Variants in SLC27A5 observed in about 807,000 individuals in gnomAD.
The protein encoded by SLC27A5 is long-chain fatty acid transport protein 5.
SLC27A5 carries 47 observed loss-of-function variants against 63.1 expected under a neutral mutation model. The observed-to-expected ratio is 0.74, with a 90% confidence interval of 0.59 to 0.95. The LOEUF (loss-of-function observed/expected upper bound fraction) is 0.95, where lower values mean the gene tolerates loss of function less well. Ranked by LOEUF, SLC27A5 falls within the 40% of genes least tolerant of loss-of-function variation. The probability of loss-of-function intolerance (pLI) is 0.00; values close to 1 mark genes in which losing one functional copy is unlikely to be tolerated. For synonymous variants in SLC27A5, 391 were observed against 403.8 expected (o/e 0.97, Z 0.38); for missense variants, 940 against 921.0 (o/e 1.02, Z -0.27).
Position 58,501,309 on chromosome 19 carries a change from G to T in SLC27A5, c.1159C>A (p.Arg387=). Residue 387 remains arginine, a synonymous_variant, in exon 4 of 10, where the codon CGG becomes AGG. Transcript: ENST00000263093. ...TVILYVGELL[R]YLCNIPQQPE... ...ACCTGGGGAATGTTACACAAGTACC[G>T]CAGGAGCTCGCCCACATACAGGATC... 6.2e-7 allele frequency: 1 copy of T among 1,613,438 alleles called. No individual in the cohort carries two copies. The highest frequency in any genetic ancestry group is 8.5e-7 in the Non-Finnish European group (1 of 1,179,654).
chr19:58,500,144 G>A (rs2053256789), intron 6 of SLC27A5, among the ~76,000 whole-genome samples, 195 bp downstream of exon 6: 1 of 152,012 alleles, frequency 6.6e-6, no homozygotes, highest in South Asian at 2.1e-4. Flanking sequence ...AGGCAGGGGA[G>A]CTGGACAGAG....
chr19:58,500,797 T>C, intron 4 of SLC27A5, 91 bp from the exon 5 acceptor site: 1 of 1,537,750 alleles, frequency 6.5e-7, no homozygotes, highest in Non-Finnish European at 8.7e-7. Flanking sequence ...CCTGGGTCCT[T>C]ACCTTGGGAG....
chr19:58,498,665 G>T lies in SLC27A5; in HGVS notation c.1923C>A (p.Phe641Leu), dbSNP rs932203599. 1 of 1,614,094 alleles carries T rather than the reference G, an allele frequency of 6.2e-7. No homozygotes were observed. Among genetic ancestry groups the T allele is most frequent in the Admixed American group, 1.7e-5 (1 of 60,002 alleles). ...IQDAMEVTST[F>L]KLMKTRLVRE... ...GCACCAACCGGGTCTTCATCAGTTT[G>T]AACGTGCTGGTGACCTCCATGGCGT... Residue 641 changes from phenylalanine to leucine, a missense_variant, in exon 10 of 10, where the codon TTC becomes TTA. By Grantham distance (22) the Phe-to-Leu change is conservative. Coordinates refer to ENST00000263093, the MANE Select transcript of SLC27A5 (RefSeq NM_012254.3).
chr19:58,509,864 A>C lies in SLC27A5; in HGVS notation c.1040T>G (p.Leu347Arg). The change falls in exon 3 of 10, where the codon CTC becomes CGC. Residue 347 changes from leucine (L) to arginine (R), a missense_variant. Leu to Arg is a moderately radical substitution (Grantham distance 102, BLOSUM62 -2). Coordinates refer to ENST00000263093, the MANE Select transcript of SLC27A5 (RefSeq NM_012254.3). ...YHVMGLVVGI[L>R]GCLDLGATCV... Reference sequence around the variant, plus strand: ...GGGCTTACCGAGATCTAAGCAGCCGAGGATCCCAACGACAAGTCCCATCAC... The same window carrying C: ...GGGCTTACCGAGATCTAAGCAGCCGCGGATCCCAACGACAAGTCCCATCAC... 1 of 1,613,244 alleles carries C rather than the reference A, an allele frequency of 6.2e-7. No homozygotes were observed. The highest frequency in any genetic ancestry group is 8.5e-7 in the Non-Finnish European group (1 of 1,179,542).
chr19:58,504,365 G>A (rs932055211), intron 3 of SLC27A5, among the ~76,000 whole-genome samples: 18 of 152,168 alleles, frequency 1.2e-4, no homozygotes, highest in African/African-American at 4.3e-4. Context: ...AAATAGGGAA[G>A]TGGCTGGGCA....
In SLC27A5 at chr19:58,511,443, G is replaced by C. The variant is rs139127895; in HGVS notation, c.513C>G (p.Ala171=). 110 of 1,600,248 alleles carry C rather than the reference G, an allele frequency of 6.9e-5. No homozygotes were observed. In the African/African-American group the frequency reaches 1.3e-3, roughly 19 times the overall value. The change falls in exon 1 of 10, where the codon GCC becomes GCG. Residue 171 remains alanine, a synonymous_variant. Coordinates refer to ENST00000263093, the MANE Select transcript of SLC27A5 (RefSeq NM_012254.3). The stretch of plus-strand genomic sequence containing the variant: ...GCACAAGGAGGGCAGTAGGCTCCCC[G>C]GCACACAGGCTCGCAGGGTCACCCA... ...AELGDPASLC[A]GEPTALLVLA... is the part of the protein sequence containing the mutation.
intron 3 of SLC27A5, among the ~76,000 whole-genome samples, chr19:58,506,525 C>G (rs1292123704): frequency 6.6e-6 from 1 of 152,046 alleles, no homozygotes; most frequent in Non-Finnish European, 1.5e-5. Context: ...GGTGACAGAG[C>G]GAGACTGTGT....
chr19:58,508,287 A>C (rs570892550), intron 3 of SLC27A5: 2 of 152,332 alleles, frequency 1.3e-5, no homozygotes, highest in East Asian at 3.9e-4. Context: ...GGCCGGGCAC[A>C]GTGGCTCACA....
In SLC27A5 at chr19:58,498,823, G is replaced by A. The variant is rs752044315; in HGVS notation, c.1858C>T (p.Leu620Phe). The change falls in exon 9 of 10, where the codon CTC becomes TTC. Residue 620 changes from leucine (L) to phenylalanine (F), a missense_variant. By Grantham distance (22) the Leu-to-Phe change is conservative. Coordinates refer to ENST00000263093, the MANE Select transcript of SLC27A5 (RefSeq NM_012254.3). ...EKLYQHVRAW[L>F]PAYATPHFIR... Reference sequence around the variant, plus strand: ...AAATGGGGGGTAGCGTAGGCAGGGAGCCAAGCGCGAACGTGCTGGTACAAC... The same window carrying A: ...AAATGGGGGGTAGCGTAGGCAGGGAACCAAGCGCGAACGTGCTGGTACAAC... 3 of 1,613,896 alleles carry A rather than the reference G, an allele frequency of 1.9e-6. No individual in the cohort carries two copies. Among genetic ancestry groups the A allele is most frequent in the South Asian group, 1.1e-5 (1 of 91,078 alleles).
chr19:58,499,807 G>C, intron 6 of SLC27A5, 117 bp from the exon 7 acceptor site: 2 of 908,522 alleles, frequency 2.2e-6, no homozygotes, highest in South Asian at 3.2e-5. Flanking sequence ...CAGACCCAAA[G>C]ACACAGACAG....
Position 58,500,231 on chromosome 19 carries a change from C to G in SLC27A5, c.1468+108G>C, listed in dbSNP as rs532317651. On this transcript the variant is annotated intron_variant, in intron 6 of 9. Transcript: ENST00000263093. ...CAGGGTCCAGATGAAGGCTGCAGAC[C>G]CCTCTAGTGAGCACCAACGTCAAGC... 12 of 888,004 alleles carry G rather than the reference C, an allele frequency of 1.4e-5. No homozygotes were observed. In the African/African-American group the frequency reaches 2.0e-4, roughly 15 times the overall value. The allele number at this position is 888,004 out of a possible 1,614,324, so 55.0% of individuals were successfully genotyped here. A position where few individuals can be genotyped will look rare whatever the true frequency, so the allele number is the denominator to read the frequency against.
chr19:58,511,595 C>G lies in SLC27A5; in HGVS notation c.361G>C (p.Glu121Gln), dbSNP rs757837867. 8 of 1,584,716 alleles carry G rather than the reference C, an allele frequency of 5.0e-6. No individual in the cohort carries two copies. The East Asian group carries it at 6.8e-5, about 14-fold the overall frequency. Residue 121 changes from glutamate to glutamine, a missense_variant, in exon 1 of 10, where the codon GAG (glutamate) becomes CAG (glutamine). Transcript: ENST00000263093. ...QPPDTFVDAF[E>Q]RRARAQPGRA... ...CCAGGCTGCGCTCGTGCTCGCCGCT[C>G]GAAGGCATCTACAAAGGTGTCAGGC...
Position 58,501,154 on chromosome 19 carries a change from A to G in SLC27A5, c.1182+132T>C. ...TTATTGGAAGCCTTGTCTGAAACTC[A>G]TTATCTGGGGTTCTTGCATGAGGTG... On this transcript the variant is annotated intron_variant, in intron 4 of 9. Transcript: ENST00000263093. The G allele has an allele frequency of 6.8e-6, 9 of 1,319,294 alleles. No homozygotes were observed. The South Asian group carries it at 7.6e-5, about 11-fold the overall frequency. The allele number at this position is 1,319,294 out of a possible 1,614,324, so 81.7% of individuals were successfully genotyped here. A position where few individuals can be genotyped will look rare whatever the true frequency, so the allele number is the denominator to read the frequency against.
rs773533667 is a variant in SLC27A5, at chr19:58,500,663, T to C, written c.1226A>G (p.Asn409Ser). ...RTHTVRLAMG[N>S]GLRADVWETF... ...CTCCCACACATCAGCCCGTAGTCCATTGCCCATTGCCAGGCGGACTGTATG... is the reference window on the plus strand; with the variant it reads ...CTCCCACACATCAGCCCGTAGTCCACTGCCCATTGCCAGGCGGACTGTATG... Residue 409 changes from asparagine to serine, a missense_variant, in exon 5 of 10, where the codon AAT (asparagine) becomes AGT (serine). Asn to Ser is a conservative substitution (Grantham distance 46, BLOSUM62 1). Transcript: ENST00000263093. 3.1e-6 allele frequency: 5 copies of C among 1,614,158 alleles called. No homozygotes were observed. The highest frequency in any genetic ancestry group is 3.4e-6 in the Non-Finnish European group (4 of 1,180,018).
chr19:58,501,450 C>T lies in SLC27A5; in HGVS notation c.1058-40G>A, dbSNP rs562625827. On this transcript the variant is annotated intron_variant, in intron 3 of 9. Transcript: ENST00000263093. ...GAGAGGGGGTTTCAGGTCATGCTTC[C>T]AAATTGTTGTAAGAAGCTGCTTTTA... 1.0e-5 allele frequency: 16 copies of T among 1,603,554 alleles called. No individual in the cohort carries two copies. In the South Asian group the frequency reaches 1.7e-4, roughly 17 times the overall value.
chr19:58,508,995 T>A (rs1217402096), intron 3 of SLC27A5: 1 of 150,706 alleles, frequency 6.6e-6, no homozygotes, highest in Non-Finnish European at 1.5e-5. Context: ...GAAAATCGCT[T>A]GAACCTGGAA....
Position 58,498,786 on chromosome 19 carries a change from T to C in SLC27A5, c.1895A>G (p.Gln632Arg), listed in dbSNP as rs578142450. The C allele has an allele frequency of 4.6e-5, 75 of 1,613,874 alleles. No homozygotes were observed. The South Asian group carries it at 7.5e-4, about 16-fold the overall frequency. The part of the protein sequence containing the change: ...AYATPHFIRI[Q>R]DAMEVTSTFK... ...CCCACCAGGCCACCCTGGGCTCACCTGGATGCGGATGAAATGGGGGGTAGC... is the reference window on the plus strand; with the variant it reads ...CCCACCAGGCCACCCTGGGCTCACCCGGATGCGGATGAAATGGGGGGTAGC... The change falls in exon 9 of 10, where the codon CAG becomes CGG. Residue 632 changes from glutamine to arginine, a missense_variant and splice_region_variant. By Grantham distance (43) the Gln-to-Arg change is conservative. Transcript: ENST00000263093.
chr19:58,511,537 GC>G lies in SLC27A5; in HGVS notation c.418del (p.Ala140ProfsTer20). 2.6e-6 allele frequency: 4 copies of G among 1,564,360 alleles called. No individual in the cohort carries two copies. The highest frequency in any genetic ancestry group is 2.6e-6 in the Non-Finnish European group (3 of 1,153,318). On this transcript the variant is annotated frameshift_variant, in exon 1 of 10. Transcript: ENST00000263093. LOFTEE classifies it high-confidence loss of function. ...CAGCTCACCAAAGGTGACTGAGCCG[GC>G]CCCAGGCCCCGTCCACACCAAGAGT... The part of the protein sequence containing the change: ...RALLVWTGPG[A>X]GSVTFGELDA...
Position 58,510,849 on chromosome 19 carries a change from G to C in SLC27A5, c.770C>G (p.Pro257Arg), listed in dbSNP as rs1429510504. The C allele has an allele frequency of 6.2e-7, 1 of 1,613,356 alleles. No homozygotes were observed. The highest frequency in any genetic ancestry group is 2.2e-5 in the East Asian group (1 of 44,872). The change falls in exon 2 of 10, where the codon CCT (proline) becomes CGT (arginine). Residue 257 changes from proline to arginine, a missense_variant. Coordinates refer to ENST00000263093, the MANE Select transcript of SLC27A5 (RefSeq NM_012254.3). ...CCCCAGAGCCCCCACCCCTGGTGTAGGGGAGGTATGGCTGAGGTAGAAGCA... is the reference window on the plus strand; with the variant it reads ...CCCCAGAGCCCCCACCCCTGGTGTACGGGAGGTATGGCTGAGGTAGAAGCA... ...IRCFYLSHTSPTPGVGALGAA... is the reference protein window; with the variant it reads ...IRCFYLSHTSRTPGVGALGAA...
Sources: allele counts gnomAD v4.1 joint callset (sites outside exome capture counted in the v4.1 genomes callset), GRCh38; gene constraint gnomAD v4.1.1; transcripts MANE v1.5; gene names NCBI Gene and HGNC (gene_info 2026-07-23, HGNC 2026-07-21).